The following ZFHX3 variants were observed in gnomAD, a reference collection of about 807,000 sequenced individuals.
ZFHX3 encodes zinc finger homeobox protein 3.
A neutral mutation model predicts 279.1 loss-of-function variants in ZFHX3; 42 were observed. The observed-to-expected ratio is 0.15, with a 90% CI of 0.12 to 0.19. ZFHX3 has a LOEUF of 0.19. Among genes scored for constraint, ZFHX3 ranks in the 10% least tolerant of loss-of-function variants. The pLI is 1.00. For missense variants in ZFHX3, 4,981 were observed against 4,754.0 expected, an observed-to-expected ratio of 1.05 and a Z score of -1.40; for synonymous variants, 2,293 against 1,957.8, an observed-to-expected ratio of 1.17 and a Z score of -4.52.
intron 1 of ZFHX3, among the ~76,000 whole-genome samples, chr16:73,814,358 T>C (rs551089906): frequency 1.4e-4 from 22 of 152,298 alleles, no homozygotes; most frequent in African/African-American, 4.8e-4. Context: ...ACAAGACCTC[T>C]AGCTTGGCTT....
At chr16:73,095,899 G>A (rs920663575) in intron 7 of ZFHX3, among the ~76,000 whole-genome samples, 6 of 152,226 alleles carry the variant, frequency 3.9e-5, no homozygotes, top group African/African-American at 1.4e-4. Context: ...GCTGTTAGGA[G>A]CTTCCACTTG....
chr16:73,796,903 T>C (rs1960007771), intron 1 of ZFHX3, among the ~76,000 whole-genome samples: 1 of 152,068 alleles, frequency 6.6e-6, no homozygotes, highest in African/African-American at 2.4e-5. Context: ...TGAAGAAATG[T>C]TATGTGGAAA....
chr16:72,962,503 G>A (rs1370039145), intron 1 of ZFHX3, among the ~76,000 whole-genome samples: 1 of 152,198 alleles, frequency 6.6e-6, no homozygotes, highest in Non-Finnish European at 1.5e-5. Flanking sequence ...ATGAGGACAC[G>A]GGTCGGAGAG....
At chr16:73,360,719 A>C (rs2016420901) in intron 3 of ZFHX3, among the ~76,000 whole-genome samples, 1 of 152,240 alleles carries the variant, frequency 6.6e-6, no homozygotes, top group Admixed American at 6.5e-5. Context: ...TTTTAACATA[A>C]GACTGCAGTG....
intron 3 of ZFHX3, among the ~76,000 whole-genome samples, chr16:72,928,773 C>A (rs906568311): frequency 1.2e-4 from 19 of 152,330 alleles, no homozygotes; most frequent in African/African-American, 4.3e-4. Context: ...CCAACCTGGG[C>A]AACACAGCAA....
intron 1 of ZFHX3, among the ~76,000 whole-genome samples, chr16:73,816,667 G>T (rs967144727): frequency 5.9e-5 from 9 of 152,194 alleles, no homozygotes; most frequent in African/African-American, 2.2e-4. Flanking sequence ...TGAATCTCAG[G>T]CAGGGGTACG....
At chr16:73,834,805 C>A (rs935501646) in intron 1 of ZFHX3, among the ~76,000 whole-genome samples, 1 of 152,160 alleles carries the variant, frequency 6.6e-6, no homozygotes, top group African/African-American at 2.4e-5. Flanking sequence ...GCAGGAGAAC[C>A]GCTTGAATCC....
rs954263786 is a variant in ZFHX3, at chr16:73,557,779, T to C, written c.-1546-101521A>G. Among the ~76,000 whole-genome samples, 3 of 152,158 alleles carry C rather than the reference T, an allele frequency of 2.0e-5. No homozygotes were observed. The East Asian group carries it at 5.8e-4, about 29-fold the overall frequency. ...CTATCTCATCCTGTGACTTAGAATG[T>C]CTTCACTGTCTGGGAATGCAGTCCA... On this transcript the variant is annotated intron_variant, in intron 2 of 17. Transcript: ENST00000641206.
rs779467655 is a variant in ZFHX3 at position 72,798,324 on chromosome 16, A to G, written c.4358T>C (p.Leu1453Pro). 27 of 1,614,092 alleles carry G rather than the reference A, an allele frequency of 1.7e-5. No homozygotes were observed. The highest frequency in any genetic ancestry group is 2.3e-5 in the Non-Finnish European group (27 of 1,180,040). The change falls in exon 9 of 10, where the codon CTG becomes CCG. Residue 1453 changes from leucine (L) to proline (P), a missense_variant. By Grantham distance (98) the Leu-to-Pro change is moderately conservative (BLOSUM62 -3). Around this residue, in one of 7 missense-constraint regions of ZFHX3, gnomAD observed 1,751 missense variants for 1,770.0 expected, o/e 0.99. Coordinates refer to ENST00000268489, the MANE Select transcript of ZFHX3 (RefSeq NM_006885.4). Reference protein sequence around the residue: ...ALKKHLETSHLELSEADIQQL... With the variant: ...ALKKHLETSHPELSEADIQQL... ...TTGGATGTCAGCCTCACTCAGCTCC[A>G]GGTGGCTTGTCTCAAGGTGCTTCTT... is the stretch of plus-strand genomic sequence containing the variant.
At chr16:73,780,638 C>A (rs183185123) in intron 1 of ZFHX3, among the ~76,000 whole-genome samples, 1 of 150,460 alleles carries the variant, frequency 6.6e-6, no homozygotes, top group East Asian at 2.0e-4. Flanking sequence ...GACGAGGTTT[C>A]GCCATGTTAG....
intron 7 of ZFHX3, among the ~76,000 whole-genome samples, chr16:73,096,958 G>A (rs186975142): frequency 3.9e-5 from 6 of 152,042 alleles, no homozygotes; most frequent in Admixed American, 6.6e-5. Context: ...GTAAAGAAAC[G>A]GCCACAGGGA....
At position 73,677,954 on chromosome 16, in the gene ZFHX3, C is replaced by T. The variant is rs564091750; in HGVS notation, c.-1547+2226G>A. Among the ~76,000 whole-genome samples, 10 of 152,074 alleles carry T rather than the reference C, an allele frequency of 6.6e-5. No homozygotes were observed. In the South Asian group the frequency reaches 2.1e-3, roughly 32 times the overall value. On this transcript the variant is annotated intron_variant, in intron 2 of 17. Coordinates refer to the ZFHX3 transcript ENST00000641206. ...CTCTATGTCCTCCAATGGAATGACT[C>T]AATATTACACAGATACCAGTCTACT...
intron 1 of ZFHX3, among the ~76,000 whole-genome samples, chr16:73,735,674 G>A (rs1335624015): frequency 1.3e-5 from 2 of 152,024 alleles, no homozygotes; most frequent in East Asian, 1.9e-4. Flanking sequence ...TCCTGAAAAG[G>A]CGCCTTTCTC....
chr16:73,444,277 G>A (rs1429576105), intron 3 of ZFHX3, among the ~76,000 whole-genome samples: 2 of 152,140 alleles, frequency 1.3e-5, no homozygotes, highest in Admixed American at 6.5e-5. Context: ...CCCTTGGGTG[G>A]GACTTCTGAG....
intron 7 of ZFHX3, among the ~76,000 whole-genome samples, chr16:73,109,588 T>G (rs1186433636): frequency 6.6e-6 from 1 of 152,058 alleles, no homozygotes; most frequent in Non-Finnish European, 1.5e-5. Flanking sequence ...TCCGGTGCAG[T>G]GCCTCGTGCC....
Position 72,787,040 on chromosome 16 carries a change from T to TTTC in ZFHX3, c.*123_*124insGAA. On this transcript the variant is annotated 3_prime_UTR_variant, in exon 10 of 10. Coordinates refer to ENST00000268489, the MANE Select transcript of ZFHX3 (RefSeq NM_006885.4). The stretch of plus-strand genomic sequence containing the variant: ...CAACCCACGCTTTTTCTTTTTTTTC[T>TTTC]TTTTTTTTTTTTTTTTGTTTTTTGG... 1 of 167,602 alleles carries TTTC rather than the reference T, an allele frequency of 6.0e-6. No individual in the cohort carries two copies. Among genetic ancestry groups the TTTC allele is most frequent in the African/African-American group, 3.0e-5 (1 of 33,568 alleles). The allele number at this position is 167,602 out of a possible 1,614,324, so 10.4% of individuals were successfully genotyped here.
At chr16:73,718,373 C>T (rs1055754382) in intron 1 of ZFHX3, among the ~76,000 whole-genome samples, 1 of 151,918 alleles carries the variant, frequency 6.6e-6, no homozygotes, top group African/African-American at 2.4e-5. Context: ...ATCTTGCCAT[C>T]ACACTCCAGC....
At chr16:73,680,823 T>A (rs141030749) in intron 1 of ZFHX3, among the ~76,000 whole-genome samples, 31 of 152,328 alleles carry the variant, frequency 2.0e-4, no homozygotes, top group African/African-American at 6.3e-4. Flanking sequence ...TAATTGTACC[T>A]TTGCTTCATC....
At chr16:72,822,795 GTT>G (rs11365314) in intron 5 of ZFHX3, among the ~76,000 whole-genome samples, 3,417 of 90,554 alleles carry the variant, frequency 0.038, 35 homozygotes, top group African/African-American at 0.083. Flanking sequence ...TAGAAAGTGA[GTT>G]TTTTTTTTTT....
Sources: gnomAD v4.1 joint callset for allele counts (sites outside exome capture counted in the v4.1 genomes callset) on GRCh38, gnomAD v4.1.1 for gene constraint, gnomAD v4.1.1 regional missense constraint, MANE v1.5 for transcripts, NCBI Gene and HGNC (gene_info 2026-07-23, HGNC 2026-07-21) for gene names.